The following VAV2 variants were observed in gnomAD, a reference collection of about 807,000 sequenced individuals.
The protein encoded by VAV2 is guanine nucleotide exchange factor VAV2.
In VAV2, 67 loss-of-function variants were observed where a neutral mutation model predicts 132.5. The ratio of observed to expected loss-of-function variants is 0.51; its 90% CI spans 0.42 to 0.62. The LOEUF (loss-of-function observed/expected upper bound fraction) is 0.62, where lower values mean the gene tolerates loss of function less well. VAV2 is among the 20% of genes least tolerant of loss of function. VAV2 has a pLI of 0.00. For synonymous variants in VAV2, 492 were observed against 443.5 expected (o/e 1.11, Z -1.37); for missense variants, 938 against 1,153.6 (o/e 0.81, Z 2.71).
chr9:133,895,076 C>T (rs182589133), intron 2 of VAV2, among the ~76,000 whole-genome samples: 189 of 152,166 alleles, frequency 1.2e-3, no homozygotes, highest in African/African-American at 4.3e-3. Flanking sequence ...GGGAGTCAAG[C>T]TCCAAGCCGA....
At chr9:133,898,547 T>C (rs2132002159) in intron 2 of VAV2, among the ~76,000 whole-genome samples, 1 of 152,002 alleles carries the variant, frequency 6.6e-6, no homozygotes, top group African/African-American at 2.4e-5. Context: ...TGAGCCGAGA[T>C]CGTGCCACTG....
intron 9 of VAV2, 143 bp from the exon 10 acceptor site, chr9:133,797,952 A>G (rs1194312210): frequency 3.0e-6 from 2 of 675,024 alleles, no homozygotes; most frequent in East Asian, 6.0e-5. Flanking sequence ...ACGTGGACAC[A>G]TTCAACGGCC....
chr9:133,899,173 G>A (rs973652329), intron 2 of VAV2, among the ~76,000 whole-genome samples: 1 of 151,622 alleles, frequency 6.6e-6, no homozygotes, highest in Non-Finnish European at 1.5e-5. Flanking sequence ...GGTATCTTTA[G>A]TCTGCCTCAG....
At chr9:133,931,055 C>T in intron 2 of VAV2, among the ~76,000 whole-genome samples, 1 of 152,244 alleles carries the variant, frequency 6.6e-6, no homozygotes, top group East Asian at 1.9e-4. Flanking sequence ...CCGAGTGAGG[C>T]TGGAGTGAAG....
At position 133,919,780 on chromosome 9, in the gene VAV2, C is replaced by CA. The variant is rs1345813062; in HGVS notation, c.321+19322dup. On this transcript the variant is annotated intron_variant, in intron 2 of 29. Transcript: ENST00000371850. The surrounding 1 kb of genome is among the most constrained non-coding windows in gnomAD (Gnocchi z 5.8). ...CAGCGCATTCTTGGCATCCGTGAGG[C>CA]AGAGACATGGAAGATGGAAGGTCCC... 6.6e-6 allele frequency among the ~76,000 whole-genome samples: 1 copy of CA among 152,200 alleles called. No individual in the cohort carries two copies. The highest frequency in any genetic ancestry group is 1.9e-4 in the East Asian group (1 of 5,192).
intron 2 of VAV2, among the ~76,000 whole-genome samples, chr9:133,898,703 G>A (rs980604319): frequency 6.6e-6 from 1 of 152,222 alleles, no homozygotes; most frequent in East Asian, 1.9e-4. Flanking sequence ...GCCCGGGGAA[G>A]CTTCCAGGCC....
At chr9:133,866,367 C>T (rs184292735) in intron 2 of VAV2, among the ~76,000 whole-genome samples, 5 of 152,322 alleles carry the variant, frequency 3.3e-5, no homozygotes, top group East Asian at 3.9e-4. Context: ...GAAATCCCTA[C>T]GCCTTCTGCA....
At chr9:133,864,621 C>T (rs982357729) in intron 2 of VAV2, among the ~76,000 whole-genome samples, 10 of 152,234 alleles carry the variant, frequency 6.6e-5, no homozygotes, top group East Asian at 1.9e-4. Context: ...GTCCTACCCC[C>T]GCCACCCCAC....
chr9:133,901,480 C>A (rs113975541), intron 2 of VAV2, among the ~76,000 whole-genome samples: 1 of 152,238 alleles, frequency 6.6e-6, no homozygotes, highest in Non-Finnish European at 1.5e-5. Context: ...GGGAGCCTGT[C>A]GGGAGAGCCA....
chr9:133,942,617 C>T (rs1841207451), intron 1 of VAV2, among the ~76,000 whole-genome samples: 1 of 152,276 alleles, frequency 6.6e-6, no homozygotes, highest in Non-Finnish European at 1.5e-5. Context: ...TTCATTCTTC[C>T]TCAGCCTCCC....
rs923725015 is a variant in VAV2 at position 133,857,382 on chromosome 9, C to T, written c.380+3992G>A. Among the ~76,000 whole-genome samples, 6 of 152,150 alleles carry T rather than the reference C, an allele frequency of 3.9e-5. No homozygotes were observed. Among genetic ancestry groups the T allele is most frequent in the Non-Finnish European group, 5.9e-5 (4 of 68,034 alleles). ...GGGCGGGATTCTTAGATTAAGTCTC[C>T]AATTCATCAGCCTCTGAGAAGTATA... On this transcript the variant is annotated intron_variant, in intron 3 of 29. Coordinates refer to ENST00000371850, the MANE Select transcript of VAV2 (RefSeq NM_001134398.2). The surrounding 1 kb of genome is among the most constrained non-coding windows in gnomAD (Gnocchi z 4.0).
chr9:133,911,841 C>T (rs1027014497), intron 2 of VAV2, among the ~76,000 whole-genome samples: 4 of 152,380 alleles, frequency 2.6e-5, no homozygotes, highest in South Asian at 2.1e-4. Flanking sequence ...AACCACACAC[C>T]GAATGTCCTC....
chr9:133,951,346 G>A lies in VAV2; in HGVS notation c.205-12127C>T, dbSNP rs78339959. Among the ~76,000 whole-genome samples, 30 of 152,336 alleles carry A rather than the reference G, an allele frequency of 2.0e-4. 1 individual carries two copies. Among genetic ancestry groups the A allele is most frequent in the African/African-American group, 6.5e-4 (27 of 41,592 alleles). On this transcript the variant is annotated intron_variant, in intron 1 of 29. Transcript: ENST00000371850. ...GGCACCCAGCAGGGTCAGAGCAGGAGTAGAACAGGGACTGTGGGGCTTTCA... is the reference window on the plus strand; with the variant it reads ...GGCACCCAGCAGGGTCAGAGCAGGAATAGAACAGGGACTGTGGGGCTTTCA...
At chr9:133,922,316 G>A (rs888462655) in intron 2 of VAV2, among the ~76,000 whole-genome samples, 18 of 152,244 alleles carry the variant, frequency 1.2e-4, no homozygotes, top group Non-Finnish European at 2.4e-4. Context: ...TGACACCCAC[G>A]GGGAAGCAGA....
chr9:133,924,265 C>T lies in VAV2; in HGVS notation c.321+14838G>A, dbSNP rs531042349. 1.4e-4 allele frequency among the ~76,000 whole-genome samples: 21 copies of T among 152,282 alleles called. No individual in the cohort carries two copies. The South Asian group carries it at 4.2e-3, about 30-fold the overall frequency. On this transcript the variant is annotated intron_variant, in intron 2 of 29. Coordinates refer to ENST00000371850, the MANE Select transcript of VAV2 (RefSeq NM_001134398.2). ...GTGGTATATCTCTGCTCACCGCAAC[C>T]TCCAATTCCCGGGTTCAAGCCATCC...
At chr9:133,881,931 C>G (rs1338678264) in intron 2 of VAV2, among the ~76,000 whole-genome samples, 1 of 152,152 alleles carries the variant, frequency 6.6e-6, no homozygotes, top group Non-Finnish European at 1.5e-5. Flanking sequence ...GGCACAGGAT[C>G]CCAGCATGAC....
At position 133,883,618 on chromosome 9, in the gene VAV2, G is replaced by A. The variant is rs1838587681; in HGVS notation, c.322-22186C>T. On this transcript the variant is annotated intron_variant, in intron 2 of 29. Transcript: ENST00000371850. The surrounding 1 kb of genome is among the most constrained non-coding windows in gnomAD (Gnocchi z 4.2). ...CAGGCAGGCGGCCCAGCAGCAGGCA[G>A]GTTTCAGCTCGGCCGGAGCAGGCCC... 6.6e-6 allele frequency among the ~76,000 whole-genome samples: 1 copy of A among 152,216 alleles called. No individual in the cohort carries two copies. The highest frequency in any genetic ancestry group is 1.5e-5 in the Non-Finnish European group (1 of 68,040).
intron 2 of VAV2, among the ~76,000 whole-genome samples, chr9:133,921,699 C>T (rs1204757599): frequency 1.3e-5 from 2 of 152,224 alleles, no homozygotes; most frequent in Non-Finnish European, 2.9e-5. Context: ...AGATACGGCC[C>T]AGGCCCTGCT....
chr9:133,990,585 C>T (rs575730966), intron 1 of VAV2, among the ~76,000 whole-genome samples: 1 of 152,194 alleles, frequency 6.6e-6, no homozygotes, highest in Non-Finnish European at 1.5e-5. Flanking sequence ...GAATCCTGCC[C>T]GAGCAAGTCA....
Sources: allele counts gnomAD v4.1 joint callset (sites outside exome capture counted in the v4.1 genomes callset), GRCh38; gene constraint gnomAD v4.1.1; non-coding constraint Gnocchi (gnomAD v3.1); transcripts MANE v1.5; gene names NCBI Gene and HGNC (gene_info 2026-07-23, HGNC 2026-07-21).